UBN2: variants seen among roughly 807,000 people sequenced by gnomAD.
UBN2 encodes the protein ubinuclein 2, also known as ubinuclein-2.
In UBN2, 35 loss-of-function variants were observed where a neutral mutation model predicts 120.2. The ratio of observed to expected loss-of-function variants is 0.29; its 90% CI spans 0.22 to 0.39. The LOEUF (loss-of-function observed/expected upper bound fraction) is 0.39, where lower values mean the gene tolerates loss of function less well. Among genes scored for constraint, UBN2 ranks in the 10% least tolerant of loss-of-function variants. The pLI is 1.00. For missense variants in UBN2, 1,693 were observed against 1,663.2 expected (o/e 1.02, Z -0.31); for synonymous variants, 661 against 648.7 (o/e 1.02, Z -0.29).
chr7:139,274,526 G>C (rs375802983), intron 11 of UBN2, among the ~76,000 whole-genome samples: 3 of 152,160 alleles, frequency 2.0e-5, no homozygotes, highest in African/African-American at 7.2e-5. Flanking sequence ...ACTTTGGGAG[G>C]CCAAGGCAGG....
intron 11 of UBN2, among the ~76,000 whole-genome samples, 173 bp from the exon 12 acceptor site, chr7:139,275,924 A>G (rs1421403836): frequency 1.3e-5 from 2 of 152,212 alleles, no homozygotes; most frequent in East Asian, 1.9e-4. Context: ...ATAGTGAGCT[A>G]TGAATAAAAC....
At chr7:139,275,005 C>T (rs765061835) in intron 11 of UBN2, among the ~76,000 whole-genome samples, 12 of 151,968 alleles carry the variant, frequency 7.9e-5, no homozygotes, top group African/African-American at 1.4e-4. Context: ...TGGCCCGTTG[C>T]GGTGGCTCAC....
At position 139,285,964 on chromosome 7, in the gene UBN2, G is replaced by T. The variant is rs188231838; in HGVS notation, c.3669+1390G>T. On this transcript the variant is annotated intron_variant, in intron 15 of 17. Coordinates refer to ENST00000473989, the MANE Select transcript of UBN2 (RefSeq NM_173569.4). ...ATTTTTTTGAGACGGAGTCTTCTCT[G>T]TTGCCAGGCTGGAGTGCAATGACAT... Among the ~76,000 whole-genome samples, 377 of 152,012 alleles carry T rather than the reference G, an allele frequency of 2.5e-3. 3 individuals are homozygous for T. Among genetic ancestry groups the T allele is most frequent in the African/African-American group, 8.7e-3 (359 of 41,492 alleles).
In UBN2 at chr7:139,283,685, C is replaced by A; in HGVS notation, c.2780C>A (p.Thr927Lys). The A allele has an allele frequency of 6.2e-7, 1 of 1,614,192 alleles. No individual in the cohort carries two copies. Among genetic ancestry groups the A allele is most frequent in the Non-Finnish European group, 8.5e-7 (1 of 1,180,046 alleles). Residue 927 changes from threonine to lysine, a missense_variant, in exon 15 of 18, where the codon ACA (threonine) becomes AAA (lysine). Transcript: ENST00000473989. ...AQDASSLTQV[T>K]KVHQHSAVQQ... Reference sequence around the variant, plus strand: ...GATGCTTCTTCGTTAACACAAGTAACAAAGGTGCACCAGCATTCAGCTGTC... The same window carrying A: ...GATGCTTCTTCGTTAACACAAGTAAAAAAGGTGCACCAGCATTCAGCTGTC...
At chr7:139,326,228 C>A in the UBN2 span, among the ~76,000 whole-genome samples, 25 of 152,124 alleles carry the variant, frequency 1.6e-4, no homozygotes. Context: ...TGCACTCCAG[C>A]GTGGGCAACA....
chr7:139,325,730 CT>C, the UBN2 span, among the ~76,000 whole-genome samples: 1 of 152,212 alleles, frequency 6.6e-6, no homozygotes, highest in African/African-American at 2.4e-5. Context: ...CCAGTCCTTG[CT>C]GTAGTTGAAG....
Position 139,261,449 on chromosome 7 carries a change from A to G in UBN2, c.1103A>G (p.Asp368Gly), listed in dbSNP as rs1489059307. Residue 368 changes from aspartate (D) to glycine (G), a missense_variant, in exon 6 of 18, where the codon GAC becomes GGC. By Grantham distance (94) the Asp-to-Gly change is moderately conservative. This residue lies in a region of UBN2 where 663 missense variants were observed against 591.2 expected (regional missense o/e 1.12). Transcript: ENST00000473989. The stretch of plus-strand genomic sequence containing the variant: ...TGTGCTGCTGCAGCACTGGGGAATG[A>G]CGTCCCGGACTTAAATCTGAGCAGC... ...PPCAAAALGN[D>G]VPDLNLSSGD... The G allele has an allele frequency of 6.2e-7, 1 of 1,614,098 alleles. No homozygotes were observed. Among genetic ancestry groups the G allele is most frequent in the Non-Finnish European group, 8.5e-7 (1 of 1,180,044 alleles).
chr7:139,252,239 A>T (rs1796643411), intron 3 of UBN2, among the ~76,000 whole-genome samples, 182 bp downstream of exon 3: 2 of 150,762 alleles, frequency 1.3e-5, no homozygotes. Flanking sequence ...CAGACTGAGA[A>T]TTTTGTAATT....
At chr7:139,258,397 G>T in intron 3 of UBN2, 91 bp from the exon 4 acceptor site, 1 of 1,014,006 alleles carries the variant, frequency 9.9e-7, no homozygotes, top group East Asian at 2.6e-5. Context: ...AGGATTTAAG[G>T]GAGATGCTGC....
intron 2 of UBN2, among the ~76,000 whole-genome samples, chr7:139,240,614 G>A (rs1483756262): frequency 6.6e-6 from 1 of 151,902 alleles, no homozygotes; most frequent in South Asian, 2.1e-4. Flanking sequence ...TTGGTGTTTG[G>A]GGCAGGTGTT....
At chr7:139,289,911 C>T (rs981158579) in intron 15 of UBN2, among the ~76,000 whole-genome samples, 30 of 147,090 alleles carry the variant, frequency 2.0e-4, no homozygotes, top group East Asian at 1.6e-3. Flanking sequence ...TTTTTTTTTC[C>T]GAGACAGAGT....
In UBN2 at chr7:139,231,678, C is replaced by T. The variant is rs1441336789; in HGVS notation, c.194C>T (p.Pro65Leu). ...CCTGCCCCCCGCTCGGACGCGCAGC[C>T]CCCGTCGCGGGAGAAGCCGCTCCCC... ...REPAPRSDAQ[P>L]PSREKPLPQR... is the part of the protein sequence containing the mutation. The change falls in exon 1 of 18, where the codon CCC becomes CTC. Residue 65 changes from proline to leucine, a missense_variant. Physicochemically the swap from Pro to Leu is moderately conservative, Grantham distance 98. Transcript: ENST00000473989. The T allele has an allele frequency of 8.4e-7, 1 of 1,185,550 alleles. No homozygotes were observed. The highest frequency in any genetic ancestry group is 1.0e-6 in the Non-Finnish European group (1 of 961,088). The allele number at this position is 1,185,550 out of a possible 1,614,324, so 73.4% of individuals were successfully genotyped here.
At chr7:139,282,653 A>G (rs1797649200) in intron 14 of UBN2, among the ~76,000 whole-genome samples, 1 of 152,190 alleles carries the variant, frequency 6.6e-6, no homozygotes. Context: ...GAGTCTTAAT[A>G]TAAAGGCAGA....
intron 5 of UBN2, among the ~76,000 whole-genome samples, chr7:139,260,521 CTG>C (rs1377482408): frequency 6.6e-6 from 1 of 152,174 alleles, no homozygotes; most frequent in Non-Finnish European, 1.5e-5. Flanking sequence ...CTTGACTTCT[CTG>C]TGGCTTTTTT....
downstream of UBN2, among the ~76,000 whole-genome samples, chr7:139,310,301 G>T (rs532557535): frequency 1.6e-4 from 22 of 137,036 alleles, no homozygotes; most frequent in African/African-American, 6.5e-4. Flanking sequence ...GCAAGACCCT[G>T]TGTCTTTAAA....
intron 12 of UBN2, 80 bp downstream of exon 12, chr7:139,276,227 C>A: frequency 7.5e-7 from 1 of 1,331,054 alleles, no homozygotes; most frequent in Non-Finnish European, 1.1e-6. Context: ...TTATTAAATG[C>A]TAGTTGGAAT....
Position 139,283,649 on chromosome 7 carries a change from C to T in UBN2, c.2744C>T (p.Ser915Phe). Residue 915 changes from serine to phenylalanine, a missense_variant, in exon 15 of 18, where the codon TCC (serine) becomes TTC (phenylalanine). Physicochemically the swap from Ser to Phe is radical, Grantham distance 155. This residue lies in a region of UBN2 where 837 missense variants were observed against 817.6 expected (regional missense o/e 1.02). Coordinates refer to ENST00000473989, the MANE Select transcript of UBN2 (RefSeq NM_173569.4). ...IAASSHALGT[S>F]EAQDASSLTQ... ...GCCTCTTCTCATGCTCTGGGAACAT[C>T]CGAGGCCCAAGATGCTTCTTCGTTA... is the stretch of plus-strand genomic sequence containing the variant. The T allele has an allele frequency of 1.2e-6, 2 of 1,614,192 alleles. No homozygotes were observed. Among genetic ancestry groups the T allele is most frequent in the South Asian group, 1.1e-5 (1 of 91,092 alleles).
At chr7:139,270,766 CAG>C (rs991376704) in intron 8 of UBN2, among the ~76,000 whole-genome samples, 1 of 149,008 alleles carries the variant, frequency 6.7e-6, no homozygotes, top group Non-Finnish European at 1.5e-5. Context: ...TTTTTTGAGA[CAG>C]AGTTTCACTC....
At chr7:139,289,414 C>CT (rs1161484759) in intron 15 of UBN2, among the ~76,000 whole-genome samples, 2,292 of 125,740 alleles carry the variant, frequency 0.018, 79 homozygotes, top group South Asian at 0.027. Flanking sequence ...TTACATTTTG[C>CT]TTTTTTTTTT....
Sources: allele counts gnomAD v4.1 joint callset (sites outside exome capture counted in the v4.1 genomes callset), GRCh38; gene constraint gnomAD v4.1.1; regional missense constraint gnomAD v4.1.1; transcripts MANE v1.5; gene names NCBI Gene and HGNC (gene_info 2026-07-23, HGNC 2026-07-21).